The following OLFML2B variants were observed in gnomAD, a reference collection of about 807,000 sequenced individuals.
OLFML2B encodes the protein olfactomedin-like protein 2B.
In OLFML2B, 57 loss-of-function variants were observed where a neutral mutation model predicts 74.9. The observed-to-expected ratio is 0.76, with a 90% CI of 0.61 to 0.95. The LOEUF (loss-of-function observed/expected upper bound fraction) is 0.95. Ranked by LOEUF, OLFML2B falls within the 40% of genes least tolerant of loss-of-function variation. OLFML2B has a pLI of 0.00. For missense variants in OLFML2B, 986 were observed against 970.6 expected (o/e 1.02, Z -0.21); for synonymous variants, 388 against 405.8 (o/e 0.96, Z 0.53).
intron 3 of OLFML2B, among the ~76,000 whole-genome samples, chr1:162,016,526 G>T (rs1690542409): frequency 6.6e-6 from 1 of 152,184 alleles, no homozygotes; most frequent in South Asian, 2.1e-4. Context: ...TTACAGTAAT[G>T]CTGTAAACAT....
At chr1:162,001,339 T>G (rs1690074372) in intron 4 of OLFML2B, among the ~76,000 whole-genome samples, 1 of 152,156 alleles carries the variant, frequency 6.6e-6, no homozygotes, top group Admixed American at 6.5e-5. Flanking sequence ...CAGTGGGGTA[T>G]AGGAAGAAGT....
In OLFML2B at chr1:161,984,428, C is replaced by T. The variant is rs1209925999; in HGVS notation, c.1652-152G>A. ...TTCTAGCATCCTGTAGCACATCACT[C>T]AACCTGTCCGTGCCTCAGTGTCCTT... is the stretch of plus-strand genomic sequence containing the variant. On this transcript the variant is annotated intron_variant, in intron 7 of 7. Coordinates refer to ENST00000294794, the MANE Select transcript of OLFML2B (RefSeq NM_015441.3). 3 of 1,026,818 alleles carry T rather than the reference C, an allele frequency of 2.9e-6. No homozygotes were observed. In the African/African-American group the frequency reaches 4.9e-5, roughly 17 times the overall value. The allele number at this position is 1,026,818 out of a possible 1,614,324, so 63.6% of individuals were successfully genotyped here. A position where few individuals can be genotyped will look rare whatever the true frequency, so the allele number is the denominator to read the frequency against.
At position 162,023,302 on chromosome 1, in the gene OLFML2B, C is replaced by A; in HGVS notation, c.129G>T (p.Glu43Asp). 2 of 1,597,718 alleles carry A rather than the reference C, an allele frequency of 1.3e-6. No homozygotes were observed. Among genetic ancestry groups the A allele is most frequent in the Non-Finnish European group, 1.7e-6 (2 of 1,170,102 alleles). Reference protein sequence around the residue: ...DAQTVAPAEDETLQNEADNQE... With the variant: ...DAQTVAPAEDDTLQNEADNQE... Reference sequence around the variant, plus strand: ...GGTTGTCCGCCTCGTTTTGCAGAGTCTCGTCCTCCGCAGGCGCCACTGTCT... The same window carrying A: ...GGTTGTCCGCCTCGTTTTGCAGAGTATCGTCCTCCGCAGGCGCCACTGTCT... Residue 43 changes from glutamate to aspartate, a missense_variant, in exon 1 of 8, where the codon GAG becomes GAT. Physicochemically the swap from Glu to Asp is conservative, Grantham distance 45. Coordinates refer to ENST00000294794, the MANE Select transcript of OLFML2B (RefSeq NM_015441.3).
chr1:162,020,827 T>C (rs1690682646), intron 1 of OLFML2B, among the ~76,000 whole-genome samples: 1 of 152,184 alleles, frequency 6.6e-6, no homozygotes, highest in Non-Finnish European at 1.5e-5. Flanking sequence ...AATCCAGGTT[T>C]AAGTGTAAAA....
intron 1 of OLFML2B, among the ~76,000 whole-genome samples, chr1:162,020,795 G>A (rs187129615): frequency 3.9e-5 from 6 of 152,306 alleles, no homozygotes; most frequent in South Asian, 4.1e-4. Flanking sequence ...GATTACAGGC[G>A]TGAGACACCG....
rs754317242 is a variant in OLFML2B at position 161,983,737 on chromosome 1, G to A, written c.2191C>T (p.Arg731Cys). 22 of 1,613,750 alleles carry A rather than the reference G, an allele frequency of 1.4e-5. 1 individual carries two copies. In the East Asian group the frequency reaches 3.1e-4, roughly 23 times the overall value. The change falls in exon 8 of 8, where the codon CGC (arginine) becomes TGC (cysteine). Residue 731 changes from arginine to cysteine, a missense_variant. Arg to Cys is a radical substitution (Grantham distance 180). Transcript: ENST00000294794. ...TTQIDYNPKD[R>C]LLYAWDNGHQ... Reference sequence around the variant, plus strand: ...CCATTGTCCCAGGCATAGAGCAGGCGGTCCTTGGGGTTGTAGTCTATCTGG... The same window carrying A: ...CCATTGTCCCAGGCATAGAGCAGGCAGTCCTTGGGGTTGTAGTCTATCTGG...
intron 4 of OLFML2B, among the ~76,000 whole-genome samples, chr1:162,005,902 C>CTA (rs368990706): frequency 0.037 from 2,873 of 77,872 alleles, 136 homozygotes; most frequent in Middle Eastern, 0.097. Flanking sequence ...TGGAACCTAT[C>CTA]AAAAAAAAAA....
chr1:162,021,195 A>G (rs993228605), intron 1 of OLFML2B, among the ~76,000 whole-genome samples: 2 of 152,198 alleles, frequency 1.3e-5, no homozygotes, highest in Non-Finnish European at 2.9e-5. Context: ...AATTGAGAGG[A>G]AAGAGGCAGG....
chr1:161,998,621 T>C (rs1212514471), intron 5 of OLFML2B, among the ~76,000 whole-genome samples: 1 of 128,460 alleles, frequency 7.8e-6, no homozygotes, highest in Non-Finnish European at 1.9e-5. Flanking sequence ...TCATGGGTCC[T>C]GAACCCCGAT....
chr1:161,983,366 A>C lies in OLFML2B; in HGVS notation c.*309T>G, dbSNP rs892635577. 1.4e-5 allele frequency: 3 copies of C among 214,242 alleles called. No homozygotes were observed. Among genetic ancestry groups the C allele is most frequent in the African/African-American group, 2.3e-5 (1 of 43,590 alleles). 13.3% of individuals were successfully genotyped at this position (214,242 alleles called of 1,614,324 possible). A position where few individuals can be genotyped will look rare whatever the true frequency, so the allele number is the denominator to read the frequency against. The stretch of plus-strand genomic sequence containing the variant: ...AGACCCAGATGAAGAAACCTTTTCA[A>C]TGGTCGAGATCTGAGACTTGGAGCT... On this transcript the variant is annotated 3_prime_UTR_variant, in exon 8 of 8. Transcript: ENST00000294794.
rs1690461921 is a variant in OLFML2B, at chr1:162,013,918, AC to A, written c.546+3481del. Reference sequence around the variant, plus strand: ...CACACACACACACACACACACACACACACACACACACACACACACACTTCTG... The same window carrying A: ...CACACACACACACACACACACACACAACACACACACACACACACACTTCTG... On this transcript the variant is annotated intron_variant, in intron 3 of 7. Coordinates refer to ENST00000294794, the MANE Select transcript of OLFML2B (RefSeq NM_015441.3). Among the ~76,000 whole-genome samples, 5 of 151,662 alleles carry A rather than the reference AC, an allele frequency of 3.3e-5. No individual in the cohort carries two copies. In the South Asian group the frequency reaches 1.0e-3, roughly 32 times the overall value.
At chr1:162,004,855 C>T (rs550408064) in intron 4 of OLFML2B, among the ~76,000 whole-genome samples, 40 of 152,342 alleles carry the variant, frequency 2.6e-4, no homozygotes, top group African/African-American at 9.4e-4. Context: ...GAGGGGATCC[C>T]TCAATGGCCC....
At chr1:161,998,430 T>C in intron 5 of OLFML2B, 81 bp from the exon 6 acceptor site, 2 of 1,460,854 alleles carry the variant, frequency 1.4e-6, no homozygotes, top group Non-Finnish European at 1.8e-6. Context: ...AATGAGCAGG[T>C]GAATTAGAGG....
chr1:162,015,942 G>A (rs937253371), intron 3 of OLFML2B, among the ~76,000 whole-genome samples: 7 of 152,186 alleles, frequency 4.6e-5, no homozygotes, highest in African/African-American at 1.4e-4. Context: ...CATATCTGAT[G>A]TGATTAAGGA....
chr1:162,006,530 C>T, intron 3 of OLFML2B, 57 bp from the exon 4 acceptor site: 2 of 1,354,794 alleles, frequency 1.5e-6, no homozygotes, highest in East Asian at 2.3e-5. Flanking sequence ...AAGCAGGAGG[C>T]AGCTAGCAGC....
In OLFML2B at chr1:161,983,699, A is replaced by G; in HGVS notation, c.2229T>C (p.Thr743=). ...GTCAGTAGGCAAAGATGACATGGTA[A>G]GTGACCTGGTGGCCATTGTCCCAGG... ...LYAWDNGHQV[T]YHVIFAY Residue 743 remains threonine (T), a synonymous_variant, in exon 8 of 8, where the codon ACT becomes ACC. Coordinates refer to ENST00000294794, the MANE Select transcript of OLFML2B (RefSeq NM_015441.3). The G allele has an allele frequency of 6.2e-7, 1 of 1,611,008 alleles. No individual in the cohort carries two copies. Among genetic ancestry groups the G allele is most frequent in the African/African-American group, 1.3e-5 (1 of 74,910 alleles).
intron 4 of OLFML2B, among the ~76,000 whole-genome samples, chr1:162,005,343 G>A (rs141080657): frequency 0.018 from 2,748 of 152,292 alleles, 35 homozygotes; most frequent in South Asian, 0.023. Flanking sequence ...GGAAGAAACA[G>A]AGGTTTGAGA....
Position 162,017,521 on chromosome 1 carries a change from C to G in OLFML2B, c.439-14G>C. 6.3e-7 allele frequency: 1 copy of G among 1,599,790 alleles called. No individual in the cohort carries two copies. Among genetic ancestry groups the G allele is most frequent in the Non-Finnish European group, 8.5e-7 (1 of 1,170,332 alleles). The stretch of plus-strand genomic sequence containing the variant: ...GATTGTGGAGAGCTATGAAACAAGG[C>G]AAGGGGTTAGTCCAGGGCTGGGGCA... On this transcript the variant is annotated splice_polypyrimidine_tract_variant and intron_variant, in intron 2 of 7. Transcript: ENST00000294794.
At chr1:161,988,620 T>G (rs1030907055) in intron 6 of OLFML2B, among the ~76,000 whole-genome samples, 1 of 120,616 alleles carries the variant, frequency 8.3e-6, no homozygotes, top group African/African-American at 3.1e-5. Flanking sequence ...CACTCTCTCC[T>G]GGTCCCGCCC....
Sources: allele counts gnomAD v4.1 joint callset (sites outside exome capture counted in the v4.1 genomes callset), GRCh38; gene constraint gnomAD v4.1.1; transcripts MANE v1.5; gene names NCBI Gene and HGNC (gene_info 2026-07-23, HGNC 2026-07-21).